Variants in DYM observed in about 807,000 individuals in gnomAD.
The protein encoded by DYM is dyggve-Melchior-Clausen syndrome protein.
Under a neutral mutation model 93.1 loss-of-function variants are expected in DYM, and 78 were observed. That is an observed-to-expected ratio of 0.84 (90% CI 0.70 to 1.01). The LOEUF is 1.01. Among genes scored for constraint, DYM ranks in the 50% least tolerant of loss-of-function variants. DYM has a pLI of 0.00. For missense variants in DYM, 789 were observed against 845.0 expected, an observed-to-expected ratio of 0.93 and a Z score of 0.82; for synonymous variants, 321 against 319.7, an observed-to-expected ratio of 1.00 and a Z score of -0.04.
intron 17 of DYM, among the ~76,000 whole-genome samples, chr18:49,051,482 G>A (rs2072435235): frequency 6.6e-6 from 1 of 152,218 alleles, no homozygotes; most frequent in African/African-American, 2.4e-5. Context: ...AGGTCTAAAG[G>A]TGTATTCCCT....
intron 5 of DYM, among the ~76,000 whole-genome samples, chr18:49,366,074 C>T (rs955553580): frequency 6.7e-6 from 1 of 150,094 alleles, no homozygotes; most frequent in Non-Finnish European, 1.5e-5. Context: ...TTAAGACTTC[C>T]ATTCACTAAA....
intron 2 of DYM, among the ~76,000 whole-genome samples, chr18:49,423,027 C>T (rs1238381072): frequency 2.6e-5 from 4 of 152,182 alleles, no homozygotes; most frequent in Non-Finnish European, 5.9e-5. Flanking sequence ...TTGAACTCAG[C>T]TCTGCACCAA....
chr18:49,280,054 G>A (rs2094932921), intron 10 of DYM, among the ~76,000 whole-genome samples: 1 of 152,116 alleles, frequency 6.6e-6, no homozygotes. Flanking sequence ...CCAGCTACTG[G>A]CTATTTCGGG....
intron 13 of DYM, among the ~76,000 whole-genome samples, chr18:49,251,899 G>A (rs551767863): frequency 1.3e-5 from 2 of 152,140 alleles, no homozygotes; most frequent in South Asian, 4.2e-4. Flanking sequence ...TGGTGTTATA[G>A]TCAGTTCTCA....
At chr18:49,054,947 G>T (rs934196814) in intron 17 of DYM, among the ~76,000 whole-genome samples, 2 of 152,232 alleles carry the variant, frequency 1.3e-5, no homozygotes, top group African/African-American at 4.8e-5. Context: ...AGAACTGGAA[G>T]CCCCCTTGAG....
At position 49,227,627 on chromosome 18, in the gene DYM, A is replaced by G. The variant is rs530744047; in HGVS notation, c.1461-17912T>C. Among the ~76,000 whole-genome samples the G allele has an allele frequency of 2.6e-3, 391 of 152,238 alleles. 3 individuals carry two copies. The highest frequency in any genetic ancestry group is 9.0e-3 in the African/African-American group (375 of 41,548). On this transcript the variant is annotated intron_variant, in intron 13 of 17. Transcript: ENST00000675505. ...ACTAAACCCACATCTGTGAGCTGGC[A>G]GGTGAGGATTGTGGGAGCTGTCTGT...
intron 15 of DYM, among the ~76,000 whole-genome samples, chr18:49,147,371 C>T (rs2085281039): frequency 1.3e-5 from 2 of 152,106 alleles, no homozygotes; most frequent in Admixed American, 6.5e-5. Context: ...TAAAGAGCTT[C>T]TGCACAGCAA....
chr18:49,259,785 T>C (rs532683519), intron 11 of DYM, among the ~76,000 whole-genome samples: 436 of 152,260 alleles, frequency 2.9e-3, no homozygotes, highest in African/African-American at 1.0e-2. Flanking sequence ...GAGGGTAAAG[T>C]GGGTAGATGA....
At chr18:49,279,575 C>T (rs904674518) in intron 10 of DYM, among the ~76,000 whole-genome samples, 3 of 152,194 alleles carry the variant, frequency 2.0e-5, no homozygotes, top group Non-Finnish European at 2.9e-5. Flanking sequence ...AACCTTTCAC[C>T]GGGTATGTCA....
intron 16 of DYM, among the ~76,000 whole-genome samples, chr18:49,106,676 G>T (rs2080849891): frequency 6.6e-6 from 1 of 152,108 alleles, no homozygotes; most frequent in African/African-American, 2.4e-5. Flanking sequence ...GCTTAGTTTG[G>T]CTGGATATGA....
rs150857711 is a variant in DYM at position 49,142,103 on chromosome 18, C to T, written c.1728+21582G>A. The stretch of plus-strand genomic sequence containing the variant: ...GTCTCGATCTCCTGACCTTGTGATC[C>T]GCCCACCTCGGTCTCCCAAAGTGCT... On this transcript the variant is annotated intron_variant, in intron 15 of 17. Transcript: ENST00000675505. 3.3e-3 allele frequency among the ~76,000 whole-genome samples: 502 copies of T among 151,856 alleles called. 26 individuals carry two copies. The East Asian group carries it at 0.081, about 24-fold the overall frequency.
At chr18:49,052,122 A>G (rs1044021514) in intron 17 of DYM, among the ~76,000 whole-genome samples, 2 of 152,254 alleles carry the variant, frequency 1.3e-5, no homozygotes, top group African/African-American at 2.4e-5. Context: ...AACACCTGGA[A>G]GCACATGGTA....
chr18:49,431,282 T>C (rs1329674414), intron 1 of DYM, among the ~76,000 whole-genome samples: 3 of 152,202 alleles, frequency 2.0e-5, no homozygotes, highest in Admixed American at 1.3e-4. Flanking sequence ...CATATGCAGT[T>C]TTAGTTGATA....
At chr18:49,088,594 C>T (rs1487304041) in intron 17 of DYM, among the ~76,000 whole-genome samples, 1 of 149,790 alleles carries the variant, frequency 6.7e-6, no homozygotes, top group Non-Finnish European at 1.5e-5. Context: ...TTAAACAGTA[C>T]TCCATAAAGC....
At chr18:49,385,788 G>A (rs967911045) in intron 3 of DYM, among the ~76,000 whole-genome samples, 2 of 151,766 alleles carry the variant, frequency 1.3e-5, no homozygotes, top group African/African-American at 2.4e-5. Context: ...CAAAAATAAT[G>A]GCCAGTGCTT....
intron 2 of DYM, among the ~76,000 whole-genome samples, chr18:49,402,026 C>CAA (rs61550965): frequency 3.8e-5 from 4 of 104,684 alleles, no homozygotes; most frequent in African/African-American, 1.0e-4. Flanking sequence ...AACTCTGTCT[C>CAA]AAAAAAAAAA....
chr18:49,395,554 G>C (rs1276219372), intron 2 of DYM, among the ~76,000 whole-genome samples: 2 of 152,002 alleles, frequency 1.3e-5, no homozygotes, highest in Non-Finnish European at 2.9e-5. Flanking sequence ...GCTTGAAACT[G>C]GGAGGCAGAG....
At chr18:49,201,049 C>A (rs372962392) in intron 14 of DYM, among the ~76,000 whole-genome samples, 1 of 152,122 alleles carries the variant, frequency 6.6e-6, no homozygotes, top group South Asian at 2.1e-4. Context: ...AATGGTTGGA[C>A]AGTTCAAAAA....
At chr18:49,080,104 GCGGGGGGC>G (rs1248776905) in intron 17 of DYM, among the ~76,000 whole-genome samples, 1 of 127,432 alleles carries the variant, frequency 7.8e-6, no homozygotes, top group Non-Finnish European at 1.6e-5. Context: ...GGCTGGCCGG[GCGGGGGGC>G]TGACCCCCCC....
Sources: gnomAD v4.1 joint callset for allele counts (sites outside exome capture counted in the v4.1 genomes callset) on GRCh38, gnomAD v4.1.1 for gene constraint, MANE v1.5 for transcripts, NCBI Gene and HGNC (gene_info 2026-07-23, HGNC 2026-07-21) for gene names.